SGCZ: variants seen among roughly 807,000 people sequenced by gnomAD.
SGCZ encodes the protein sarcoglycan zeta, also known as zeta-sarcoglycan.
Under a neutral mutation model 41.3 loss-of-function variants are expected in SGCZ, and 40 were observed. That is an observed-to-expected ratio of 0.97 (90% CI 0.75 to 1.26). The LOEUF is 1.26. Ranked by LOEUF, SGCZ falls within the 50% of genes most tolerant of loss-of-function variation. The probability of loss-of-function intolerance (pLI) is 0.00; values close to 1 mark genes in which losing one functional copy is unlikely to be tolerated. For synonymous variants in SGCZ, 206 were observed against 137.5 expected, an observed-to-expected ratio of 1.50 and a Z score of -3.49; for missense variants, 552 against 369.8, an observed-to-expected ratio of 1.49 and a Z score of -4.04.
intron 1 of SGCZ, among the ~76,000 whole-genome samples, chr8:14,815,118 G>C (rs1052445702): frequency 1.3e-5 from 2 of 152,068 alleles, no homozygotes; most frequent in African/African-American, 4.8e-5. Flanking sequence ...CAGGGTATTT[G>C]TTATTATTTT....
intron 3 of SGCZ, among the ~76,000 whole-genome samples, chr8:14,287,896 G>C (rs1011784078): frequency 2.6e-5 from 4 of 152,110 alleles, no homozygotes; most frequent in African/African-American, 9.7e-5. Flanking sequence ...TTAATGGTCT[G>C]AGAATTTGAT....
intron 2 of SGCZ, among the ~76,000 whole-genome samples, chr8:14,499,781 A>T (rs1034092576): frequency 7.6e-5 from 11 of 144,818 alleles, no homozygotes; most frequent in African/African-American, 2.7e-4. Flanking sequence ...ATATATATCA[A>T]CTGCCTTCCT....
chr8:14,827,973 A>C (rs530015787), intron 1 of SGCZ, among the ~76,000 whole-genome samples: 9 of 152,292 alleles, frequency 5.9e-5, no homozygotes, highest in African/African-American at 2.2e-4. Context: ...GTGTTCAAAA[A>C]TTTTTTGCAC....
At chr8:14,237,094 T>C (rs1243613700) in intron 4 of SGCZ, among the ~76,000 whole-genome samples, 4 of 152,158 alleles carry the variant, frequency 2.6e-5, no homozygotes, top group Admixed American at 1.3e-4. Flanking sequence ...TACACAGACC[T>C]AATGATGTTA....
At chr8:14,917,154 G>C (rs1174597003) in intron 1 of SGCZ, among the ~76,000 whole-genome samples, 1 of 152,034 alleles carries the variant, frequency 6.6e-6, no homozygotes, top group Non-Finnish European at 1.5e-5. Context: ...ATTCCCCAGG[G>C]CCTGAATTGT....
chr8:14,135,688 C>T (rs569508937), intron 5 of SGCZ, among the ~76,000 whole-genome samples: 1 of 152,136 alleles, frequency 6.6e-6, no homozygotes, highest in Non-Finnish European at 1.5e-5. Context: ...AGTCTTCAAA[C>T]ACAGATAGTT....
At chr8:14,693,778 G>A (rs1329626988) in intron 1 of SGCZ, among the ~76,000 whole-genome samples, 2 of 151,668 alleles carry the variant, frequency 1.3e-5, no homozygotes, top group African/African-American at 2.4e-5. Context: ...TTTTAGTAGG[G>A]ATGGGGTTTC....
At chr8:14,867,875 A>C (rs1803991681) in intron 1 of SGCZ, among the ~76,000 whole-genome samples, 1 of 151,826 alleles carries the variant, frequency 6.6e-6, no homozygotes, top group Non-Finnish European at 1.5e-5. Context: ...ACACAGGTTT[A>C]CCTAAGTAAC....
intron 2 of SGCZ, among the ~76,000 whole-genome samples, chr8:14,504,221 G>T (rs1802238515): frequency 6.6e-6 from 1 of 152,182 alleles, no homozygotes; most frequent in Non-Finnish European, 1.5e-5. Context: ...GTCATCTTCA[G>T]ATTGCTTTGG....
intron 7 of SGCZ, among the ~76,000 whole-genome samples, chr8:14,102,100 ATATAATT>A (rs1802045769): frequency 1.3e-5 from 1 of 74,690 alleles, no homozygotes; most frequent in Non-Finnish European, 2.8e-5. Context: ...ATATATATAT[ATATAATT>A]TTTTTTTTTT....
chr8:14,217,563 A>C (rs1806042720), intron 4 of SGCZ, among the ~76,000 whole-genome samples: 1 of 140,050 alleles, frequency 7.1e-6, no homozygotes, highest in Admixed American at 7.1e-5. Context: ...TCATAAACAA[A>C]AAAAGCACAT....
At chr8:14,580,382 T>A (rs1804848655) in intron 1 of SGCZ, among the ~76,000 whole-genome samples, 1 of 152,192 alleles carries the variant, frequency 6.6e-6, no homozygotes, top group African/African-American at 2.4e-5. Flanking sequence ...TAGTAATACT[T>A]TAAATGGAAG....
At chr8:14,228,460 T>C (rs1365404986) in intron 4 of SGCZ, among the ~76,000 whole-genome samples, 2 of 152,114 alleles carry the variant, frequency 1.3e-5, no homozygotes, top group African/African-American at 4.8e-5. Context: ...ACAATTACTT[T>C]AATATTAAAA....
intron 1 of SGCZ, among the ~76,000 whole-genome samples, chr8:15,034,024 G>C (rs1445490616): frequency 6.6e-6 from 1 of 152,086 alleles, no homozygotes; most frequent in Non-Finnish European, 1.5e-5. Context: ...TAAATGTACA[G>C]GCTTCAACCT....
intron 1 of SGCZ, among the ~76,000 whole-genome samples, chr8:14,792,653 G>T (rs558950785): frequency 6.6e-6 from 1 of 151,920 alleles, no homozygotes; most frequent in East Asian, 1.9e-4. Flanking sequence ...TGCCATGTTG[G>T]TGTGCTGCAC....
At chr8:14,292,707 A>G (rs563237475) in intron 3 of SGCZ, among the ~76,000 whole-genome samples, 24 of 152,024 alleles carry the variant, frequency 1.6e-4, no homozygotes, top group Non-Finnish European at 4.4e-5. Context: ...TTGATATGTG[A>G]CATTAGACAG....
At chr8:14,995,405 G>A (rs1377792666) in intron 1 of SGCZ, among the ~76,000 whole-genome samples, 1 of 152,206 alleles carries the variant, frequency 6.6e-6, no homozygotes, top group African/African-American at 2.4e-5. Flanking sequence ...CGATTAATAG[G>A]GATGGGTTCA....
chr8:14,388,906 A>T (rs921483991), intron 2 of SGCZ, among the ~76,000 whole-genome samples: 8 of 152,064 alleles, frequency 5.3e-5, no homozygotes, highest in African/African-American at 9.7e-5. Context: ...AGGAATTAGC[A>T]TTAAAGATAC....
chr8:14,406,110 C>A (rs6530767), intron 2 of SGCZ, among the ~76,000 whole-genome samples: 20,399 of 152,000 alleles, frequency 0.13, 2,993 homozygotes, highest in African/African-American at 0.36. Context: ...AAGTAAACTA[C>A]AGTTTCCCAT....
Sources: gnomAD v4.1 joint callset for allele counts (sites outside exome capture counted in the v4.1 genomes callset) on GRCh38, gnomAD v4.1.1 for gene constraint, MANE v1.5 for transcripts, NCBI Gene and HGNC (gene_info 2026-07-23, HGNC 2026-07-21) for gene names.